FAAH2: variants seen among roughly 807,000 people sequenced by gnomAD.
FAAH2 encodes the protein fatty acid amide hydrolase 2.
FAAH2 carries 60 observed loss-of-function variants against 36.9 expected under a neutral mutation model. The observed-to-expected ratio is 1.63, with a 90% CI of 1.32 to 2.02. The LOEUF (loss-of-function observed/expected upper bound fraction) is 2.02. Among genes scored for constraint, FAAH2 ranks in the 30% most tolerant of loss-of-function variants. The pLI, the probability that FAAH2 is intolerant of heterozygous loss-of-function variation, is 0.00. For missense variants in FAAH2, 689 were observed against 397.5 expected (o/e 1.73, Z -6.23); for synonymous variants, 214 against 143.8 (o/e 1.49, Z -3.49).
chrX:57,384,757 G>A (rs1428584462), intron 7 of FAAH2, among the ~76,000 whole-genome samples: 4 of 111,889 alleles, frequency 3.6e-5, no homozygotes, highest in East Asian at 2.8e-4. Flanking sequence ...CATTGTGGAA[G>A]TTAGTGTGGG....
At chrX:57,191,942 A>G in the FAAH2 span, among the ~76,000 whole-genome samples, 2 of 111,309 alleles carry the variant, frequency 1.8e-5, no homozygotes, top group Non-Finnish European at 3.8e-5. Context: ...TTTGCTTAGG[A>G]TAGGCTATTC....
At chrX:57,364,709 T>C (rs1347805470) in intron 5 of FAAH2, among the ~76,000 whole-genome samples, 1 of 110,816 alleles carries the variant, frequency 9.0e-6, no homozygotes, top group Non-Finnish European at 1.9e-5. Flanking sequence ...CACTTCCCTC[T>C]TAACAGGTTT....
chrX:57,459,862 A>T (rs2056927793), intron 10 of FAAH2, among the ~76,000 whole-genome samples: 1 of 112,082 alleles, frequency 8.9e-6, no homozygotes, highest in Admixed American at 9.5e-5. Context: ...CAAAGATCAA[A>T]GGTAGATAAA....
chrX:57,451,057 G>C (rs1183560531), intron 10 of FAAH2, among the ~76,000 whole-genome samples: 1 of 111,585 alleles, frequency 9.0e-6, no homozygotes, highest in East Asian at 2.8e-4. Flanking sequence ...ACAGATGAAG[G>C]AATTTAGACA....
the FAAH2 span, among the ~76,000 whole-genome samples, chrX:57,207,271 A>T: frequency 2.8e-4 from 31 of 111,292 alleles, no homozygotes; most frequent in Non-Finnish European, 4.7e-4. Flanking sequence ...TAATTGGTTG[A>T]ATAGTCTCAG....
chrX:57,380,727 C>T (rs1234625534), intron 6 of FAAH2, among the ~76,000 whole-genome samples, 185 bp from the exon 7 acceptor site: 1 of 112,208 alleles, frequency 8.9e-6, no homozygotes, highest in Admixed American at 9.5e-5. Context: ...AAACCATTCT[C>T]TCCCTTGCAG....
At chrX:57,278,626 A>ATAC in the FAAH2 span, among the ~76,000 whole-genome samples, 1 of 79,633 alleles carries the variant, frequency 1.3e-5, no homozygotes, top group Non-Finnish European at 2.1e-5. Flanking sequence ...AATAATAATA[A>ATAC]TAACAATAAA....
intron 3 of FAAH2, among the ~76,000 whole-genome samples, chrX:57,324,334 G>T (rs770360632): frequency 1.8e-5 from 2 of 111,789 alleles, no homozygotes; most frequent in Non-Finnish European, 3.8e-5. Flanking sequence ...CTCTTTTTTG[G>T]TTCCACATGA....
At chrX:57,190,521 C>T in the FAAH2 span, among the ~76,000 whole-genome samples, 1 of 109,226 alleles carries the variant, frequency 9.2e-6, no homozygotes, top group Non-Finnish European at 1.9e-5. Flanking sequence ...GCTTGAAAGT[C>T]GGGGCCCTGG....
At chrX:57,388,353 C>T (rs2055077302) in intron 7 of FAAH2, among the ~76,000 whole-genome samples, 1 of 111,135 alleles carries the variant, frequency 9.0e-6, no homozygotes, top group South Asian at 3.7e-4. Context: ...GGACATCAAA[C>T]TTTGTGGGGG....
chrX:57,303,243 T>C (rs1329089502), intron 2 of FAAH2, among the ~76,000 whole-genome samples: 1 of 111,913 alleles, frequency 8.9e-6, no homozygotes, highest in Non-Finnish European at 1.9e-5. Context: ...CCAGTAAATG[T>C]TGCTGATAAC....
chrX:57,135,630 A>G, the FAAH2 span: 2 of 966,640 alleles, frequency 2.1e-6, no homozygotes, highest in East Asian at 3.4e-5. Flanking sequence ...CAACAAGACA[A>G]AGGGCTTACA....
At chrX:57,191,101 A>G in the FAAH2 span, among the ~76,000 whole-genome samples, 16 of 111,794 alleles carry the variant, frequency 1.4e-4, no homozygotes, top group African/African-American at 4.9e-4. Flanking sequence ...TTACATTCCT[A>G]TCAACAGTGT....
intron 2 of FAAH2, among the ~76,000 whole-genome samples, chrX:57,304,235 A>G (rs1332566206): frequency 9.0e-6 from 1 of 111,726 alleles, no homozygotes; most frequent in African/African-American, 3.2e-5. Flanking sequence ...AACAAAACAA[A>G]CAAACAAAAT....
the FAAH2 span, among the ~76,000 whole-genome samples, chrX:57,172,336 T>A: frequency 1.8e-5 from 2 of 110,943 alleles, no homozygotes; most frequent in Non-Finnish European, 3.8e-5. Flanking sequence ...GTGTGAGACG[T>A]GGGGAGTGGC....
chrX:57,482,346 C>A (rs976060861), intron 10 of FAAH2, among the ~76,000 whole-genome samples: 1 of 111,744 alleles, frequency 8.9e-6, no homozygotes, highest in Admixed American at 9.5e-5. Flanking sequence ...AAAACAGCCA[C>A]CCAGTTTTGT....
chrX:57,230,543 T>A, the FAAH2 span, among the ~76,000 whole-genome samples: 1 of 111,835 alleles, frequency 8.9e-6, no homozygotes, highest in East Asian at 2.8e-4. Context: ...CACTTCCTTC[T>A]ATATTTGTTA....
intron 7 of FAAH2, among the ~76,000 whole-genome samples, chrX:57,412,791 A>G (rs2147036488): frequency 8.9e-6 from 1 of 111,842 alleles, no homozygotes; most frequent in East Asian, 2.8e-4. Flanking sequence ...TCCTCGAGGA[A>G]TCACCACACT....
chrX:57,427,772 A>G (rs1191190733), intron 7 of FAAH2, among the ~76,000 whole-genome samples: 1 of 111,510 alleles, frequency 9.0e-6, no homozygotes, highest in African/African-American at 3.3e-5. Context: ...TAAAAACCGT[A>G]TATAAGAAGC....
Sources: gnomAD v4.1 joint callset for allele counts (sites outside exome capture counted in the v4.1 genomes callset) on GRCh38, gnomAD v4.1.1 for gene constraint, MANE v1.5 for transcripts, NCBI Gene and HGNC (gene_info 2026-07-23, HGNC 2026-07-21) for gene names.